FAAP24: variants seen among roughly 807,000 people sequenced by gnomAD.
FAAP24 encodes the protein FA core complex associated protein 24.
FAAP24 carries 16 observed loss-of-function variants against 14.3 expected under a neutral mutation model. The ratio of observed to expected loss-of-function variants is 1.12; its 90% CI spans 0.76 to 1.69. The LOEUF is 1.69. FAAP24 is among the 40% of genes most tolerant of loss of function. FAAP24 has a pLI of 0.00. For missense variants in FAAP24, 234 were observed against 262.7 expected, an observed-to-expected ratio of 0.89 and a Z score of 0.75; for synonymous variants, 111 against 106.2, an observed-to-expected ratio of 1.04 and a Z score of -0.28.
At chr19:32,973,593 G>A (rs779486710) in intron 3 of FAAP24, 31 bp downstream of exon 3, 47 of 1,611,674 alleles carry the variant, frequency 2.9e-5, no homozygotes, top group East Asian at 6.7e-5. Flanking sequence ...TGTGGCTCAC[G>A]CCAGTAATCC....
In FAAP24 at chr19:32,972,288, T is replaced by A. The variant is rs762825074; in HGVS notation, c.-72T>A. The A allele has an allele frequency of 2.3e-6, 1 of 430,180 alleles. No individual in the cohort carries two copies. The highest frequency in any genetic ancestry group is 4.1e-6 in the Non-Finnish European group (1 of 242,070). 26.6% of individuals were successfully genotyped at this position (430,180 alleles called of 1,614,324 possible). On this transcript the variant is annotated 5_prime_UTR_variant, in exon 1 of 5. Coordinates refer to ENST00000588258, the MANE Select transcript of FAAP24 (RefSeq NM_152266.5). ...GCCACCAGTAACATGATCTCTAGAC[T>A]GGGACGGTGGGGTTCCTGCCGGCTG... is the stretch of plus-strand genomic sequence containing the variant.
Position 32,973,485 on chromosome 19 carries a change from T to C in FAAP24, c.166T>C (p.Cys56Arg), listed in dbSNP as rs755566798. 6.2e-7 allele frequency: 1 copy of C among 1,614,264 alleles called. No homozygotes were observed. Among genetic ancestry groups the C allele is most frequent in the Non-Finnish European group, 8.5e-7 (1 of 1,180,046 alleles). The part of the protein sequence containing the change: ...LTPDFYLSNR[C>R]CILYVTEADL... Reference sequence around the variant, plus strand: ...ACCAGACTTTTATCTGTCGAACAGATGCTGCATTCTTTATGTCACCGAAGC... The same window carrying C: ...ACCAGACTTTTATCTGTCGAACAGACGCTGCATTCTTTATGTCACCGAAGC... The change falls in exon 3 of 5, where the codon TGC (cysteine) becomes CGC (arginine). Residue 56 changes from cysteine to arginine, a missense_variant. Coordinates refer to ENST00000588258, the MANE Select transcript of FAAP24 (RefSeq NM_152266.5).
chr19:32,974,917 A>G (rs1272370303), intron 4 of FAAP24, among the ~76,000 whole-genome samples: 1 of 150,786 alleles, frequency 6.6e-6, no homozygotes, highest in Non-Finnish European at 1.5e-5. Flanking sequence ...GCTCTGTCCT[A>G]CAGGCCAGAG....
intron 3 of FAAP24, 71 bp from the exon 4 acceptor site, chr19:32,973,989 G>C: frequency 6.7e-7 from 1 of 1,486,586 alleles, no homozygotes; most frequent in Non-Finnish European, 9.4e-7. Flanking sequence ...GGTCAGGCAC[G>C]AAGTGATAGC....
intron 2 of FAAP24, 35 bp from the exon 3 acceptor site, chr19:32,973,391 G>A (rs770370535): frequency 1.2e-6 from 2 of 1,607,806 alleles, no homozygotes; most frequent in Non-Finnish European, 1.7e-6. Context: ...TTCATCCAAA[G>A]CTTATGGAAC....
rs1019697453 is a variant in FAAP24, at chr19:32,973,179, C to A, written c.-13-5C>A. ...TCAAGTGCCGCCTGGCTTTTCCCTC[C>A]TTAGGTGGAGACCATCCATGGAAAA... On this transcript the variant is annotated splice_polypyrimidine_tract_variant and splice_region_variant and intron_variant, in intron 1 of 4. Transcript: ENST00000588258. The A allele has an allele frequency of 3.1e-6, 5 of 1,610,924 alleles. No individual in the cohort carries two copies. In the African/African-American group the frequency reaches 6.7e-5, roughly 22 times the overall value.
In FAAP24 at chr19:32,976,442, A is replaced by C. The variant is rs762371760; in HGVS notation, c.408A>C (p.Gln136His). The C allele has an allele frequency of 6.2e-7, 1 of 1,613,302 alleles. No homozygotes were observed. The highest frequency in any genetic ancestry group is 8.5e-7 in the Non-Finnish European group (1 of 1,179,560). The change falls in exon 5 of 5, where the codon CAA (glutamine) becomes CAC (histidine). Residue 136 changes from glutamine (Q) to histidine (H), a missense_variant. Coordinates refer to ENST00000588258, the MANE Select transcript of FAAP24 (RefSeq NM_152266.5). Reference protein sequence around the residue: ...SCLVIQLVQEQTKEPSKNPLL... With the variant: ...SCLVIQLVQEHTKEPSKNPLL... ...TCATTGTGGTTCAGGTTCAAGAGCA[A>C]ACCAAAGAGCCCAGTAAGAACCCTC...
chr19:32,972,410 G>C (rs1971441202), intron 1 of FAAP24, 64 bp downstream of exon 1: 1 of 402,280 alleles, frequency 2.5e-6, no homozygotes, highest in East Asian at 3.5e-5. Flanking sequence ...GCGGACACCA[G>C]GACAGGAATC....
Position 32,974,130 on chromosome 19 carries a change from A to C in FAAP24, c.314A>C (p.Gln105Pro). The change falls in exon 4 of 5, where the codon CAG becomes CCG. Residue 105 changes from glutamine (Q) to proline (P), a missense_variant. Coordinates refer to ENST00000588258, the MANE Select transcript of FAAP24 (RefSeq NM_152266.5). ...RMSEQYFPAL[Q>P]KFTVLDLGMV... The stretch of plus-strand genomic sequence containing the variant: ...AGTGAACAATACTTCCCAGCCCTAC[A>C]GAAGTTTACTGTGCTGGACCTTGGA... The C allele has an allele frequency of 6.2e-7, 1 of 1,614,210 alleles. No homozygotes were observed. The highest frequency in any genetic ancestry group is 8.5e-7 in the Non-Finnish European group (1 of 1,180,038).
In FAAP24 at chr19:32,977,735, A is replaced by G. The variant is rs918419632; in HGVS notation, c.*1053A>G. 6 of 279,642 alleles carry G rather than the reference A, an allele frequency of 2.1e-5. No individual in the cohort carries two copies. The highest frequency in any genetic ancestry group is 1.3e-4 in the African/African-American group (6 of 45,686). 17.3% of individuals were successfully genotyped at this position (279,642 alleles called of 1,614,324 possible). A position where few individuals can be genotyped will look rare whatever the true frequency, so the allele number is the denominator to read the frequency against. On this transcript the variant is annotated 3_prime_UTR_variant, in exon 5 of 5. Coordinates refer to ENST00000588258, the MANE Select transcript of FAAP24 (RefSeq NM_152266.5). ...GGAGATCCAGACCATCCTGGCCGAC[A>G]TGGTGAAGCCCTGTCTCTACTAAAA...
chr19:32,974,478 C>T (rs532492002), intron 4 of FAAP24, among the ~76,000 whole-genome samples: 8 of 152,100 alleles, frequency 5.3e-5, no homozygotes, highest in Admixed American at 2.0e-4. Context: ...CCTGCCCTTT[C>T]GCTGGTGAAA....
rs2145993791 is a variant in FAAP24 at position 32,977,477 on chromosome 19, A to T, written c.*795A>T. ...TACTGCGAGGGCTGTTTCCAATGTA[A>T]ATAAATAACTGCGCAACAGTTCCTT... is the stretch of plus-strand genomic sequence containing the variant. On this transcript the variant is annotated 3_prime_UTR_variant, in exon 5 of 5. Coordinates refer to ENST00000588258, the MANE Select transcript of FAAP24 (RefSeq NM_152266.5). 1 of 398,508 alleles carries T rather than the reference A, an allele frequency of 2.5e-6. No homozygotes were observed. Among genetic ancestry groups the T allele is most frequent in the South Asian group, 1.3e-4 (1 of 7,852 alleles). The allele number at this position is 398,508 out of a possible 1,614,324, so 24.7% of individuals were successfully genotyped here.
intron 3 of FAAP24, 77 bp from the exon 4 acceptor site, chr19:32,973,983 A>T: frequency 1.4e-6 from 2 of 1,416,806 alleles, no homozygotes; most frequent in Non-Finnish European, 2.0e-6. Flanking sequence ...TGGCCAGGTC[A>T]GGCACGAAGT....
At chr19:32,972,719 T>TTTC (rs201389580) in intron 1 of FAAP24, among the ~76,000 whole-genome samples, 3 of 142,256 alleles carry the variant, frequency 2.1e-5, no homozygotes, top group South Asian at 2.4e-4. Flanking sequence ...TCTTTTCTTT[T>TTTC]TTTTTTTTTT....
At position 32,974,336 on chromosome 19, in the gene FAAP24, G is replaced by A. The variant is rs1599798265; in HGVS notation, c.396+124G>A. 9.4e-6 allele frequency: 11 copies of A among 1,171,206 alleles called. No homozygotes were observed. In the South Asian group the frequency reaches 1.3e-4, roughly 14 times the overall value. The allele number at this position is 1,171,206 out of a possible 1,614,324, so 72.6% of individuals were successfully genotyped here. The stretch of plus-strand genomic sequence containing the variant: ...ACTTGGTTTATAAAATCTCTTCGAG[G>A]AATTTAAATGCGGAAGCTGCCTCTG... On this transcript the variant is annotated intron_variant, in intron 4 of 4. Transcript: ENST00000588258.
At chr19:32,976,029 T>G (rs974543333) in intron 4 of FAAP24, among the ~76,000 whole-genome samples, 10 of 152,190 alleles carry the variant, frequency 6.6e-5, no homozygotes, top group Admixed American at 2.0e-4. Flanking sequence ...TTGTCTGCCT[T>G]AGTATAACCA....
chr19:32,977,702 C>A lies in FAAP24; in HGVS notation c.*1020C>A. On this transcript the variant is annotated 3_prime_UTR_variant, in exon 5 of 5. Transcript: ENST00000588258. ...TTGGGAGGCCAAGGGGGGTGAATCA[C>A]AAGGTCAGGAGATCCAGACCATCCT... 1 of 335,586 alleles carries A rather than the reference C, an allele frequency of 3.0e-6. No homozygotes were observed. The allele number at this position is 335,586 out of a possible 1,614,324, so 20.8% of individuals were successfully genotyped here.
Position 32,973,313 on chromosome 19 carries a change from T to A in FAAP24, c.106+11T>A, listed in dbSNP as rs762947159. 1 of 1,613,530 alleles carries A rather than the reference T, an allele frequency of 6.2e-7. No homozygotes were observed. The highest frequency in any genetic ancestry group is 8.5e-7 in the Non-Finnish European group (1 of 1,179,700). On this transcript the variant is annotated intron_variant, in intron 2 of 4. Transcript: ENST00000588258. ...CGCAGGAGATGCAAGGTCGGTGGCC[T>A]GCCCTCTGCCAGCCCTTTCCTCCCC...
At position 32,976,520 on chromosome 19, in the gene FAAP24, C is replaced by A. The variant is rs368554252; in HGVS notation, c.486C>A (p.Thr162=). Residue 162 remains threonine (T), a synonymous_variant, in exon 5 of 5, where the codon ACC becomes ACA. Coordinates refer to ENST00000588258, the MANE Select transcript of FAAP24 (RefSeq NM_152266.5). ...LLLSEPSLLR[T]VQQIPGVGKV... ...TGTCTGAGCCTTCGCTCCTTCGAAC[C>A]GTGCAGCAGATCCCAGGAGTTGGAA... The A allele has an allele frequency of 1.9e-6, 3 of 1,614,204 alleles. No individual in the cohort carries two copies. The East Asian group carries it at 6.7e-5, about 36-fold the overall frequency.
Sources: gnomAD v4.1 joint callset for allele counts (sites outside exome capture counted in the v4.1 genomes callset) on GRCh38, gnomAD v4.1.1 for gene constraint, MANE v1.5 for transcripts, NCBI Gene and HGNC (gene_info 2026-07-23, HGNC 2026-07-21) for gene names.